SDK1: variants seen among roughly 807,000 people sequenced by gnomAD.
SDK1 encodes protein sidekick-1.
SDK1 carries 157 observed loss-of-function variants against 245.5 expected under a neutral mutation model. The ratio of observed to expected loss-of-function variants is 0.64; its 90% CI spans 0.56 to 0.73. The LOEUF (loss-of-function observed/expected upper bound fraction) is 0.73. Ranked by LOEUF, SDK1 falls within the 30% of genes least tolerant of loss-of-function variation. The pLI is 0.00. For missense variants in SDK1, 3,583 were observed against 3,002.3 expected (o/e 1.19, Z -4.52); for synonymous variants, 1,647 against 1,278.5 (o/e 1.29, Z -6.15).
intron 5 of SDK1, among the ~76,000 whole-genome samples, chr7:3,931,832 T>C (rs1195159590): frequency 1.3e-5 from 2 of 152,198 alleles, no homozygotes; most frequent in Non-Finnish European, 2.9e-5. Context: ...CAAATGACGC[T>C]CTCCTATTAG....
At chr7:3,630,401 A>T (rs1425920967) in intron 2 of SDK1, among the ~76,000 whole-genome samples, 1 of 152,236 alleles carries the variant, frequency 6.6e-6, no homozygotes, top group East Asian at 1.9e-4. Context: ...GCAACATTAC[A>T]AGATAGAAGA....
intron 16 of SDK1, 53 bp from the exon 17 acceptor site, chr7:4,017,118 C>A: frequency 6.6e-7 from 1 of 1,525,110 alleles, no homozygotes; most frequent in Non-Finnish European, 8.8e-7. Flanking sequence ...GGGTAAACAC[C>A]GTTCCTGGGT....
intron 1 of SDK1, among the ~76,000 whole-genome samples, chr7:3,548,531 G>C (rs1430691328): frequency 6.6e-6 from 1 of 152,180 alleles, no homozygotes; most frequent in East Asian, 1.9e-4. Flanking sequence ...ACAATGCTGA[G>C]ATGAACATCC....
intron 29 of SDK1, among the ~76,000 whole-genome samples, chr7:4,147,968 C>T (rs1362473732): frequency 6.6e-6 from 1 of 151,958 alleles, no homozygotes; most frequent in Non-Finnish European, 1.5e-5. Flanking sequence ...GCCCCACAGC[C>T]CCGCCCCACA....
intron 4 of SDK1, among the ~76,000 whole-genome samples, chr7:3,696,793 G>C (rs2115002040): frequency 6.6e-6 from 1 of 151,768 alleles, no homozygotes; most frequent in Non-Finnish European, 1.5e-5. Flanking sequence ...TTGAATTTAG[G>C]GACTAAAATG....
At chr7:3,535,116 A>C (rs920133756) in intron 1 of SDK1, among the ~76,000 whole-genome samples, 33 of 152,242 alleles carry the variant, frequency 2.2e-4, no homozygotes, top group African/African-American at 7.5e-4. Flanking sequence ...TCTACTTAAA[A>C]ATACAAAAAA....
chr7:3,929,766 T>C (rs1409129515), intron 5 of SDK1, among the ~76,000 whole-genome samples: 2 of 151,988 alleles, frequency 1.3e-5, no homozygotes, highest in African/African-American at 4.8e-5. Context: ...AGGTCATTTG[T>C]AGATAGGTGG....
intron 17 of SDK1, among the ~76,000 whole-genome samples, chr7:4,018,692 A>G (rs1380340546): frequency 6.6e-6 from 1 of 152,176 alleles, no homozygotes; most frequent in Non-Finnish European, 1.5e-5. Flanking sequence ...CATGGGGCAG[A>G]GGGAAGTGGA....
intron 5 of SDK1, among the ~76,000 whole-genome samples, chr7:3,839,157 C>G (rs1780097511): frequency 6.6e-6 from 1 of 152,162 alleles, no homozygotes; most frequent in African/African-American, 2.4e-5. Flanking sequence ...TCCCTCTCAG[C>G]TGTCCTTTCA....
At chr7:3,583,034 G>C (rs924172012) in intron 1 of SDK1, among the ~76,000 whole-genome samples, 15 of 152,196 alleles carry the variant, frequency 9.9e-5, no homozygotes, top group African/African-American at 3.6e-4. Context: ...CCCAGGTCTA[G>C]TCCTAAATGC....
Position 4,145,727 on chromosome 7 carries a change from C to A in SDK1, c.4234C>A (p.Gln1412Lys). The A allele has an allele frequency of 6.2e-7, 1 of 1,604,540 alleles. No individual in the cohort carries two copies. Among genetic ancestry groups the A allele is most frequent in the Non-Finnish European group, 8.5e-7 (1 of 1,175,438 alleles). ...EEPNGIILGY[Q>K]IAYRLASSSP... Reference sequence around the variant, plus strand: ...CCCATGTCACCTGCCTGCAGGGTACCAGATTGCCTACCGCCTGGCCAGCAG... The same window carrying A: ...CCCATGTCACCTGCCTGCAGGGTACAAGATTGCCTACCGCCTGGCCAGCAG... Residue 1412 changes from glutamine to lysine, a missense_variant, in exon 29 of 45, where the codon CAG becomes AAG. By Grantham distance (53) the Gln-to-Lys change is moderately conservative. Coordinates refer to ENST00000404826, the MANE Select transcript of SDK1 (RefSeq NM_152744.4).
At chr7:3,368,730 C>G (rs1335205972) in intron 1 of SDK1, among the ~76,000 whole-genome samples, 2 of 152,160 alleles carry the variant, frequency 1.3e-5, no homozygotes, top group Admixed American at 6.5e-5. Context: ...CCTCTGTCTT[C>G]CCACTCTATT....
At chr7:3,958,697 C>G (rs530494154) in intron 7 of SDK1, among the ~76,000 whole-genome samples, 3 of 152,268 alleles carry the variant, frequency 2.0e-5, no homozygotes, top group African/African-American at 7.2e-5. Flanking sequence ...ATGATTCAAG[C>G]CCATAAACTG....
chr7:3,754,919 C>G (rs1015006064), intron 4 of SDK1, among the ~76,000 whole-genome samples: 6 of 152,162 alleles, frequency 3.9e-5, no homozygotes, highest in South Asian at 4.1e-4. Context: ...TCGTTTGTTA[C>G]GCCTGGAGTT....
chr7:3,933,724 C>G (rs1341480899), intron 5 of SDK1, among the ~76,000 whole-genome samples: 1 of 152,174 alleles, frequency 6.6e-6, no homozygotes, highest in African/African-American at 2.4e-5. Context: ...TGCCCTATGA[C>G]TGATAAAAAT....
At chr7:3,548,517 G>T (rs577851487) in intron 1 of SDK1, among the ~76,000 whole-genome samples, 1 of 152,100 alleles carries the variant, frequency 6.6e-6, no homozygotes, top group African/African-American at 2.4e-5. Flanking sequence ...ATTTTTTGTC[G>T]TAAACAATGC....
At chr7:3,607,981 A>C (rs796533054) in intron 1 of SDK1, among the ~76,000 whole-genome samples, 4 of 152,362 alleles carry the variant, frequency 2.6e-5, no homozygotes, top group African/African-American at 9.6e-5. Flanking sequence ...TCATTTCATC[A>C]GAATAGACCT....
At chr7:3,780,965 C>T (rs557743093) in intron 4 of SDK1, among the ~76,000 whole-genome samples, 6 of 152,154 alleles carry the variant, frequency 3.9e-5, no homozygotes, top group South Asian at 2.1e-4. Flanking sequence ...CCCAGTGACC[C>T]GACGTAAGCA....
intron 1 of SDK1, among the ~76,000 whole-genome samples, chr7:3,568,282 C>T (rs950020880): frequency 1.3e-5 from 2 of 152,122 alleles, no homozygotes; most frequent in East Asian, 3.8e-4. Flanking sequence ...TAGTCAGCTA[C>T]TTTAGGTAAC....
Sources: gnomAD v4.1 joint callset for allele counts (sites outside exome capture counted in the v4.1 genomes callset) on GRCh38, gnomAD v4.1.1 for gene constraint, MANE v1.5 for transcripts, NCBI Gene and HGNC (gene_info 2026-07-23, HGNC 2026-07-21) for gene names.